CASS4: variants seen among roughly 807,000 people sequenced by gnomAD.
The protein encoded by CASS4 is Cas scaffold protein family member 4.
CASS4 carries 22 observed loss-of-function variants against 54.2 expected under a neutral mutation model. The observed-to-expected ratio is 0.41, with a 90% CI of 0.29 to 0.58. The LOEUF (loss-of-function observed/expected upper bound fraction) is 0.58, where lower values mean the gene tolerates loss of function less well. Ranked by LOEUF, CASS4 falls within the 20% of genes least tolerant of loss-of-function variation. The pLI is 0.36. For missense variants in CASS4, 854 were observed against 986.7 expected (o/e 0.87, Z 1.80); for synonymous variants, 409 against 391.5 (o/e 1.04, Z -0.53).
intron 2 of CASS4, among the ~76,000 whole-genome samples, chr20:56,438,757 T>C (rs1301189015): frequency 6.6e-6 from 1 of 152,192 alleles, no homozygotes; most frequent in Non-Finnish European, 1.5e-5. Flanking sequence ...CTCGGGAGAC[T>C]GAGGCAGGAG....
chr20:56,435,502 G>A (rs969029317), intron 1 of CASS4, among the ~76,000 whole-genome samples: 1 of 152,176 alleles, frequency 6.6e-6, no homozygotes, highest in Non-Finnish European at 1.5e-5. Context: ...GATATAAAAA[G>A]ATTGGGAAAG....
intron 2 of CASS4, among the ~76,000 whole-genome samples, chr20:56,438,987 G>A (rs1415835122): frequency 6.6e-6 from 1 of 152,222 alleles, no homozygotes; most frequent in Non-Finnish European, 1.5e-5. Context: ...AAGGGGAACT[G>A]GTTAAAGAGA....
At chr20:56,433,107 C>T (rs1651928299) in intron 1 of CASS4, among the ~76,000 whole-genome samples, 1 of 152,226 alleles carries the variant, frequency 6.6e-6, no homozygotes, top group African/African-American at 2.4e-5. Flanking sequence ...GTGTGGCCCT[C>T]GCTCTCCTGG....
At position 56,452,091 on chromosome 20, in the gene CASS4, C is replaced by T; in HGVS notation, c.915C>T (p.Ser305=). Reference sequence around the variant, plus strand: ...ATGTGCCCATGCAGAAAAAACTCAGCCTTCCAGAAATTCCTTCTTATGGCT... The same window carrying T: ...ATGTGCCCATGCAGAAAAAACTCAGTCTTCCAGAAATTCCTTCTTATGGCT... ...NNNVPMQKKL[S]LPEIPSYGFL... The change falls in exon 5 of 6, where the codon AGC becomes AGT. Residue 305 remains serine (S), a synonymous_variant. Transcript: ENST00000679887. 1.2e-6 allele frequency: 2 copies of T among 1,614,210 alleles called. No homozygotes were observed. The highest frequency in any genetic ancestry group is 1.7e-6 in the Non-Finnish European group (2 of 1,180,048).
intron 3 of CASS4, among the ~76,000 whole-genome samples, chr20:56,449,450 G>T (rs544994096): frequency 6.6e-6 from 1 of 151,946 alleles, no homozygotes; most frequent in Non-Finnish European, 1.5e-5. Flanking sequence ...CACACACCGG[G>T]GCCTGTCATG....
rs200320164 is a variant in CASS4 at position 56,452,454 on chromosome 20, G to A, written c.1278G>A (p.Ser426=). 53 of 1,613,790 alleles carry A rather than the reference G, an allele frequency of 3.3e-5. No individual in the cohort carries two copies. The highest frequency in any genetic ancestry group is 8.0e-5 in the African/African-American group (6 of 75,036). The change falls in exon 5 of 6, where the codon TCG becomes TCA. Residue 426 remains serine, a synonymous_variant. Coordinates refer to ENST00000679887, the MANE Select transcript of CASS4 (RefSeq NM_020356.4). ...TSTDDSSSSS[S]EESAKELSLD... is the part of the protein sequence containing the mutation. Reference sequence around the variant, plus strand: ...CCGACGACTCCTCCAGCTCTTCCTCGGAGGAGTCAGCAAAGGAGCTCTCCT... The same window carrying A: ...CCGACGACTCCTCCAGCTCTTCCTCAGAGGAGTCAGCAAAGGAGCTCTCCT...
In CASS4 at chr20:56,452,796, C is replaced by T; in HGVS notation, c.1620C>T (p.Arg540=). The part of the protein sequence containing the change: ...LLETKESLDN[R]NWPLEVLVTD... ...AAACAAAGGAAAGCTTGGATAATCG[C>T]AATTGGCCTCTGGAAGTTCTTGTGA... Residue 540 remains arginine, a synonymous_variant, in exon 5 of 6, where the codon CGC becomes CGT. Coordinates refer to ENST00000679887, the MANE Select transcript of CASS4 (RefSeq NM_020356.4). 6.2e-7 allele frequency: 1 copy of T among 1,614,088 alleles called. No individual in the cohort carries two copies. Among genetic ancestry groups the T allele is most frequent in the Non-Finnish European group, 8.5e-7 (1 of 1,180,012 alleles).
rs1316366856 is a variant in CASS4 at position 56,437,836 on chromosome 20, G to A, written c.459+250G>A. ...CTCTCCAAGGCTGGGCACACTCTGTGGGAAATGGAATGCTTAGCTGAGCTG... is the reference window on the plus strand; with the variant it reads ...CTCTCCAAGGCTGGGCACACTCTGTAGGAAATGGAATGCTTAGCTGAGCTG... On this transcript the variant is annotated intron_variant, in intron 2 of 5. Transcript: ENST00000679887. The surrounding 1 kb of genome is among the most constrained non-coding windows in gnomAD (Gnocchi z 4.7). Among the ~76,000 whole-genome samples, 1 of 152,116 alleles carries A rather than the reference G, an allele frequency of 6.6e-6. No individual in the cohort carries two copies. The highest frequency in any genetic ancestry group is 1.5e-5 in the Non-Finnish European group (1 of 68,016).
intron 2 of CASS4, among the ~76,000 whole-genome samples, chr20:56,443,978 A>C (rs1202563050): frequency 6.6e-6 from 1 of 152,178 alleles, no homozygotes; most frequent in African/African-American, 2.4e-5. Context: ...GGGAGTAAGA[A>C]AGCAGTCGTC....
intron 1 of CASS4, among the ~76,000 whole-genome samples, chr20:56,416,234 G>A (rs1402854308): frequency 6.6e-6 from 1 of 152,168 alleles, no homozygotes; most frequent in Non-Finnish European, 1.5e-5. Context: ...ATTTTTAGTA[G>A]AGACGGGTTT....
At chr20:56,421,290 C>T (rs1428683480) in intron 1 of CASS4, among the ~76,000 whole-genome samples, 1 of 152,210 alleles carries the variant, frequency 6.6e-6, no homozygotes, top group Non-Finnish European at 1.5e-5. Flanking sequence ...GGTAACATCG[C>T]TGAGGGACAG....
chr20:56,441,264 G>A (rs1980443747), intron 2 of CASS4, among the ~76,000 whole-genome samples: 1 of 151,672 alleles, frequency 6.6e-6, no homozygotes, highest in Admixed American at 6.6e-5. Context: ...AAAGTGCTGG[G>A]ATTACAGGCG....
chr20:56,437,530 G>A lies in CASS4; in HGVS notation c.403G>A (p.Asp135Asn), dbSNP rs146715351. Reference protein sequence around the residue: ...PPTAQVYEFPDPPTSARIICE... With the variant: ...PPTAQVYEFPNPPTSARIICE... ...TACTGCCCAAGTCTATGAATTCCCC[G>A]ACCCTCCCACCAGTGCCAGAATCAT... is the stretch of plus-strand genomic sequence containing the variant. The change falls in exon 2 of 6, where the codon GAC (aspartate) becomes AAC (asparagine). Residue 135 changes from aspartate to asparagine, a missense_variant. Coordinates refer to ENST00000679887, the MANE Select transcript of CASS4 (RefSeq NM_020356.4). This position sits in a 1 kb window ranked among gnomAD's most constrained non-coding sequence, Gnocchi z 4.7. 112 of 1,578,234 alleles carry A rather than the reference G, an allele frequency of 7.1e-5. 1 individual carries two copies. The highest frequency in any genetic ancestry group is 5.2e-4 in the African/African-American group (38 of 73,600).
chr20:56,423,040 G>A (rs554342963), intron 1 of CASS4, among the ~76,000 whole-genome samples: 142 of 152,272 alleles, frequency 9.3e-4, no homozygotes, highest in Non-Finnish European at 1.7e-3. Context: ...GGGGTGGCAG[G>A]AAGGGCAGTG....
intron 1 of CASS4, among the ~76,000 whole-genome samples, chr20:56,423,229 T>C (rs954989696): frequency 8.5e-5 from 13 of 152,248 alleles, no homozygotes; most frequent in Non-Finnish European, 1.9e-4. Context: ...TAAAATAGTT[T>C]CTTTAAAGGA....
chr20:56,432,538 T>C (rs1979960572), intron 1 of CASS4, among the ~76,000 whole-genome samples: 1 of 151,996 alleles, frequency 6.6e-6, no homozygotes, highest in Admixed American at 6.6e-5. Context: ...GGACAATTTT[T>C]GTATTTTTTG....
intron 1 of CASS4, among the ~76,000 whole-genome samples, chr20:56,432,291 G>A (rs1335066247): frequency 1.3e-5 from 2 of 150,790 alleles, no homozygotes; most frequent in African/African-American, 4.9e-5. Context: ...TTTACTGAAC[G>A]GCAATTATTT....
Position 56,436,360 on chromosome 20 carries a change from G to GTGTGTGTGTA in CASS4, c.37-803_37-802insGTGTGTGTAT, listed in dbSNP as rs560837211. ...TATGTGTGTGTGTGTGTGTGTGTGTGTATATATATATATGTATATATATAT... is the reference window on the plus strand; with the variant it reads ...TATGTGTGTGTGTGTGTGTGTGTGTGTGTGTGTGTATATATATATATATGTATATATATAT... On this transcript the variant is annotated intron_variant, in intron 1 of 5. Coordinates refer to ENST00000679887, the MANE Select transcript of CASS4 (RefSeq NM_020356.4). 2.3e-3 allele frequency among the ~76,000 whole-genome samples: 315 copies of GTGTGTGTGTA among 137,856 alleles called. 1 individual carries two copies. Among genetic ancestry groups the GTGTGTGTGTA allele is most frequent in the African/African-American group, 8.2e-3 (300 of 36,594 alleles). 90.4% of individuals were successfully genotyped at this position (137,856 alleles called of 152,430 possible).
chr20:56,432,512 C>A (rs775091567), intron 1 of CASS4, among the ~76,000 whole-genome samples: 2 of 151,800 alleles, frequency 1.3e-5, no homozygotes, highest in African/African-American at 4.8e-5. Flanking sequence ...GGACTATAGG[C>A]GTGCACCACC....
Sources: gnomAD v4.1 joint callset for allele counts (sites outside exome capture counted in the v4.1 genomes callset) on GRCh38, gnomAD v4.1.1 for gene constraint, Gnocchi (gnomAD v3.1) non-coding constraint, MANE v1.5 for transcripts, NCBI Gene and HGNC (gene_info 2026-07-23, HGNC 2026-07-21) for gene names.